Variants in NBAS observed in about 807,000 individuals in gnomAD.
The protein encoded by NBAS is NBAS subunit of NRZ tethering complex.
A neutral mutation model predicts 302.5 loss-of-function variants in NBAS; 219 were observed. That is an observed-to-expected ratio of 0.72 (90% CI 0.65 to 0.81). The LOEUF (loss-of-function observed/expected upper bound fraction) is 0.81, where lower values mean the gene tolerates loss of function less well. Ranked by LOEUF, NBAS falls within the 30% of genes least tolerant of loss-of-function variation. The probability of loss-of-function intolerance (pLI) is 0.00; values close to 1 mark genes in which losing one functional copy is unlikely to be tolerated. For missense variants in NBAS, 2,932 were observed against 2,841.6 expected (o/e 1.03, Z -0.72); for synonymous variants, 1,118 against 1,021.6 (o/e 1.09, Z -1.80).
At chr2:15,509,216 G>A (rs1031934919) in intron 10 of NBAS, among the ~76,000 whole-genome samples, 2 of 152,086 alleles carry the variant, frequency 1.3e-5, no homozygotes, top group African/African-American at 4.8e-5. Context: ...AGAATTTCAT[G>A]GGGTGGCGGG....
At chr2:14,854,728 G>A in the NBAS span, among the ~76,000 whole-genome samples, 1 of 152,150 alleles carries the variant, frequency 6.6e-6, no homozygotes, top group South Asian at 2.1e-4. Context: ...CCCACCCATG[G>A]AGGGAGCATT....
At chr2:14,862,389 T>A in the NBAS span, among the ~76,000 whole-genome samples, 18 of 152,152 alleles carry the variant, frequency 1.2e-4, no homozygotes, top group Non-Finnish European at 2.1e-4. Flanking sequence ...AGTGCTGGGA[T>A]TACAAGCATA....
intron 45 of NBAS, among the ~76,000 whole-genome samples, chr2:15,236,216 T>G (rs1472817018): frequency 6.6e-6 from 1 of 151,950 alleles, no homozygotes; most frequent in Non-Finnish European, 1.5e-5. Flanking sequence ...AACAAACATG[T>G]TTTTTATCAA....
In NBAS at chr2:15,418,213, A is replaced by T. The variant is rs1051781945; in HGVS notation, c.2578-501T>A. Among the ~76,000 whole-genome samples the T allele has an allele frequency of 2.6e-5, 4 of 152,216 alleles. No homozygotes were observed. In the East Asian group the frequency reaches 7.7e-4, roughly 29 times the overall value. On this transcript the variant is annotated intron_variant, in intron 23 of 51. Coordinates refer to ENST00000281513, the MANE Select transcript of NBAS (RefSeq NM_015909.4). ...AAAGTCATTCAATAAATATTTGCTG[A>T]ATAACTATGTTACAAACACTTTCTT...
At chr2:15,205,645 G>A (rs575529607) in intron 48 of NBAS, among the ~76,000 whole-genome samples, 3 of 152,178 alleles carry the variant, frequency 2.0e-5, no homozygotes, top group African/African-American at 7.2e-5. Context: ...ATCGCATCTC[G>A]AATTATAATC....
chr2:14,943,841 A>G, the NBAS span, among the ~76,000 whole-genome samples: 1 of 152,148 alleles, frequency 6.6e-6, no homozygotes, highest in Non-Finnish European at 1.5e-5. Flanking sequence ...TTCCAATAGG[A>G]TTTGAGAAAG....
In NBAS at chr2:15,498,483, T is replaced by C. The variant is rs1681153809; in HGVS notation, c.954+5662A>G. On this transcript the variant is annotated intron_variant, in intron 11 of 51. Transcript: ENST00000281513. The stretch of plus-strand genomic sequence containing the variant: ...AAAAGGAACGCTTACACACTGCTAG[T>C]GGGAGCATAAATTAGTTCAACCATT... Among the ~76,000 whole-genome samples the C allele has an allele frequency of 3.9e-5, 6 of 152,176 alleles. 1 individual carries two copies. The highest frequency in any genetic ancestry group is 3.3e-4 in the Admixed American group (5 of 15,274).
At chr2:14,871,867 G>C in the NBAS span, among the ~76,000 whole-genome samples, 1 of 151,886 alleles carries the variant, frequency 6.6e-6, no homozygotes, top group Non-Finnish European at 1.5e-5. Flanking sequence ...TAAATAGAAT[G>C]GTAGATTTAA....
the NBAS span, among the ~76,000 whole-genome samples, chr2:14,944,807 C>G: frequency 6.6e-6 from 1 of 151,948 alleles, no homozygotes; most frequent in Non-Finnish European, 1.5e-5. Flanking sequence ...TCCCCCCATT[C>G]TGCCCAGCAC....
the NBAS span, among the ~76,000 whole-genome samples, chr2:15,001,510 A>G: frequency 6.6e-6 from 1 of 152,184 alleles, no homozygotes; most frequent in South Asian, 2.1e-4. Flanking sequence ...GAAAACCTAC[A>G]TACTTAGATT....
At chr2:15,178,276 A>G (rs1170974719) in intron 51 of NBAS, 3 of 397,464 alleles carry the variant, frequency 7.5e-6, no homozygotes, top group African/African-American at 2.1e-5. Context: ...GTACATACTC[A>G]AACAGACATA....
intron 50 of NBAS, among the ~76,000 whole-genome samples, chr2:15,185,577 C>T (rs1170824522): frequency 6.6e-6 from 1 of 152,160 alleles, no homozygotes; most frequent in East Asian, 1.9e-4. Context: ...ATGGTTCCCC[C>T]TCTCCAGGAG....
At chr2:15,252,154 C>CA (rs1262220977) in intron 44 of NBAS, among the ~76,000 whole-genome samples, 1 of 152,210 alleles carries the variant, frequency 6.6e-6, no homozygotes, top group East Asian at 1.9e-4. Context: ...ACATCATCTG[C>CA]ACCTACTTCA....
At chr2:15,398,910 C>T (rs1322739433) in intron 26 of NBAS, among the ~76,000 whole-genome samples, 2 of 152,094 alleles carry the variant, frequency 1.3e-5, no homozygotes, top group Admixed American at 1.3e-4. Flanking sequence ...AAAAATGTTA[C>T]ATCAGAAATC....
chr2:15,217,767 A>G (rs1234026365), intron 48 of NBAS, among the ~76,000 whole-genome samples: 1 of 152,252 alleles, frequency 6.6e-6, no homozygotes, highest in Non-Finnish European at 1.5e-5. Flanking sequence ...TATTTATTCA[A>G]TCAATAAGGA....
chr2:15,122,248 AGGCTTTATAGATT>A, the NBAS span, among the ~76,000 whole-genome samples: 2 of 152,090 alleles, frequency 1.3e-5, no homozygotes, highest in African/African-American at 4.8e-5. Flanking sequence ...AGAAAGGTGC[AGGCTTTATAGATT>A]GGCTCACGAT....
At chr2:14,791,851 C>T in the NBAS span, among the ~76,000 whole-genome samples, 4 of 141,378 alleles carry the variant, frequency 2.8e-5, no homozygotes, top group Admixed American at 2.8e-4. Flanking sequence ...TAAAATGGGC[C>T]TGAGTAGAAC....
At chr2:15,179,202 T>A (rs959476099) in intron 50 of NBAS, 86 bp from the exon 51 acceptor site, 4 of 1,602,302 alleles carry the variant, frequency 2.5e-6, no homozygotes, top group Non-Finnish European at 2.6e-6. Flanking sequence ...CACCCCTTTT[T>A]CTGTGGTAGC....
At chr2:15,400,365 G>T (rs1553305219) in intron 26 of NBAS, among the ~76,000 whole-genome samples, 1 of 152,024 alleles carries the variant, frequency 6.6e-6, no homozygotes, top group Non-Finnish European at 1.5e-5. Context: ...GAAAAACAGA[G>T]AGTTGTATTA....
Sources: gnomAD v4.1 joint callset for allele counts (sites outside exome capture counted in the v4.1 genomes callset) on GRCh38, gnomAD v4.1.1 for gene constraint, MANE v1.5 for transcripts, NCBI Gene and HGNC (gene_info 2026-07-23, HGNC 2026-07-21) for gene names.